SCN8A: variants seen among roughly 807,000 people sequenced by gnomAD.
The protein encoded by SCN8A is sodium voltage-gated channel alpha subunit 8.
In SCN8A, 30 loss-of-function variants were observed where a neutral mutation model predicts 184.1. The observed-to-expected ratio is 0.16, with a 90% CI of 0.12 to 0.22. The LOEUF is 0.22. Among genes scored for constraint, SCN8A ranks in the 10% least tolerant of loss-of-function variants. The pLI, the probability that SCN8A is intolerant of heterozygous loss-of-function variation, is 1.00. For missense variants in SCN8A, 1,057 were observed against 2,498.9 expected (o/e 0.42, Z 12.30); for synonymous variants, 852 against 907.0 (o/e 0.94, Z 1.09).
In SCN8A at chr12:51,608,021, C is replaced by CTTTTTTTT. The variant is rs749172465; in HGVS notation, c.-55+16672_-55+16679dup. On this transcript the variant is annotated intron_variant, in intron 1 of 26. Transcript: ENST00000627620. ...GGATTGGTACCAATTTTTCTTTTTC[C>CTTTTTTTT]TTTTTTTTTTTTTTTTTGAGATGGA... Among the ~76,000 whole-genome samples the CTTTTTTTT allele has an allele frequency of 9.0e-5, 12 of 133,460 alleles. No individual in the cohort carries two copies. The South Asian group carries it at 9.6e-4, about 11-fold the overall frequency. 87.6% of individuals were successfully genotyped at this position (133,460 alleles called of 152,430 possible).
chr12:51,788,772 AC>A, intron 23 of SCN8A, 24 bp downstream of exon 23: 1 of 1,602,040 alleles, frequency 6.2e-7, no homozygotes, highest in Non-Finnish European at 8.5e-7. Context: ...TGGCGAAAAT[AC>A]CACCTTCTCA....
At chr12:51,698,119 G>T (rs932443773) in intron 6 of SCN8A, among the ~76,000 whole-genome samples, 1 of 152,210 alleles carries the variant, frequency 6.6e-6, no homozygotes, top group African/African-American at 2.4e-5. Flanking sequence ...CTCCCAAAGT[G>T]CTGGGATTAC....
At chr12:51,717,529 A>G (rs1039405845) in intron 11 of SCN8A, among the ~76,000 whole-genome samples, 5 of 152,226 alleles carry the variant, frequency 3.3e-5, no homozygotes, top group African/African-American at 1.2e-4. Flanking sequence ...AATCACACCG[A>G]GCAGAGCTGG....
intron 20 of SCN8A, among the ~76,000 whole-genome samples, chr12:51,774,897 C>G (rs1937639796): frequency 6.6e-6 from 1 of 152,102 alleles, no homozygotes; most frequent in Admixed American, 6.5e-5. Flanking sequence ...AATAAAATAC[C>G]CCCTTCTTCC....
chr12:51,628,152 G>A (rs1351219066), intron 1 of SCN8A, among the ~76,000 whole-genome samples: 7 of 152,222 alleles, frequency 4.6e-5, no homozygotes, highest in Non-Finnish European at 7.3e-5. Context: ...GGCATGCCAG[G>A]TGGAGGATTA....
At chr12:51,795,065 G>A (rs1220665710) in intron 26 of SCN8A, among the ~76,000 whole-genome samples, 2 of 152,178 alleles carry the variant, frequency 1.3e-5, no homozygotes, top group African/African-American at 4.8e-5. Context: ...CCATGGTAGT[G>A]CTGCTGTTAC....
intron 6 of SCN8A, 59 bp from the exon 7 acceptor site, chr12:51,699,511 C>A: frequency 1.5e-6 from 2 of 1,363,982 alleles, no homozygotes; most frequent in Non-Finnish European, 2.0e-6. Context: ...AAGAGGGAGG[C>A]TTGGGGAGGT....
intron 15 of SCN8A, among the ~76,000 whole-genome samples, chr12:51,765,118 C>T (rs1347335554): frequency 1.3e-5 from 2 of 152,004 alleles, no homozygotes; most frequent in African/African-American, 4.8e-5. Flanking sequence ...TGTGGAACTG[C>T]CCCTGTTTGA....
intron 1 of SCN8A, among the ~76,000 whole-genome samples, chr12:51,639,934 T>A (rs1940410399): frequency 8.1e-6 from 1 of 122,810 alleles, no homozygotes. Flanking sequence ...GGGTCTCAGC[T>A]TGTTGCCCAG....
intron 14 of SCN8A, among the ~76,000 whole-genome samples, chr12:51,757,378 T>C (rs990759811): frequency 1.3e-5 from 2 of 152,184 alleles, no homozygotes; most frequent in African/African-American, 2.4e-5. Context: ...TTGATTAACT[T>C]TGGGCGAGGA....
intron 23 of SCN8A, 105 bp from the exon 24 acceptor site, chr12:51,789,176 A>G: frequency 1.6e-6 from 2 of 1,242,328 alleles, no homozygotes; most frequent in Non-Finnish European, 2.3e-6. Flanking sequence ...CTCCCACCCC[A>G]AGATGTTTAG....
intron 7 of SCN8A, among the ~76,000 whole-genome samples, chr12:51,700,884 G>T (rs1419543458): frequency 2.0e-5 from 3 of 152,184 alleles, no homozygotes; most frequent in African/African-American, 7.2e-5. Context: ...CTGGCATATA[G>T]ATTTGAAGTA....
intron 2 of SCN8A, among the ~76,000 whole-genome samples, chr12:51,673,293 A>G (rs776201229): frequency 2.5e-4 from 38 of 152,200 alleles, no homozygotes; most frequent in Non-Finnish European, 3.8e-4. Context: ...ACTGATGTGC[A>G]TAGGTTATGT....
At chr12:51,668,662 A>G (rs958686034) in intron 2 of SCN8A, among the ~76,000 whole-genome samples, 4 of 152,096 alleles carry the variant, frequency 2.6e-5, no homozygotes, top group African/African-American at 9.7e-5. Context: ...CCTGTATTGT[A>G]TCTTCTCAAG....
Position 51,788,499 on chromosome 12 carries a change from CTT to C in SCN8A, c.4228-194_4228-193del, listed in dbSNP as rs770095247. On this transcript the variant is annotated intron_variant, in intron 22 of 26. Coordinates refer to ENST00000627620, the MANE Select transcript of SCN8A (RefSeq NM_001330260.2). The stretch of plus-strand genomic sequence containing the variant: ...ATTTTCAACATGTTTATTTGCCAAA[CTT>C]TGTTGTTATTTTCAGGAACAAAGCC... The C allele has an allele frequency of 2.1e-5, 8 of 384,666 alleles. No homozygotes were observed. The East Asian group carries it at 3.1e-4, about 15-fold the overall frequency. 23.8% of individuals were successfully genotyped at this position (384,666 alleles called of 1,614,324 possible).
In SCN8A at chr12:51,769,906, T is replaced by C; in HGVS notation, c.3411T>C (p.Ile1137=). 6.2e-7 allele frequency: 1 copy of C among 1,607,882 alleles called. No individual in the cohort carries two copies. The highest frequency in any genetic ancestry group is 2.2e-5 in the East Asian group (1 of 44,754). ...DDTSSSEGST[I]DIKPEVEEVP... is the part of the protein sequence containing the mutation. ...CCAGCTCCTCTGAAGGAAGCACCAT[T>C]GATATCAAACCAGAAGTAGAAGAGG... The change falls in exon 18 of 27, where the codon ATT becomes ATC. Residue 1137 remains isoleucine, a synonymous_variant. Transcript: ENST00000627620.
At chr12:51,677,673 T>C (rs1438406649) in intron 2 of SCN8A, among the ~76,000 whole-genome samples, 1 of 152,162 alleles carries the variant, frequency 6.6e-6, no homozygotes, top group East Asian at 1.9e-4. Context: ...AAGCCCCACA[T>C]TGCTAATTAG....
intron 14 of SCN8A, among the ~76,000 whole-genome samples, chr12:51,756,149 A>G (rs538153805): frequency 6.6e-6 from 1 of 152,092 alleles, no homozygotes; most frequent in East Asian, 1.9e-4. Flanking sequence ...AGCTCTGTTT[A>G]TCCTGCACAG....
At chr12:51,653,704 A>G (rs878989336) in intron 1 of SCN8A, among the ~76,000 whole-genome samples, 2 of 152,154 alleles carry the variant, frequency 1.3e-5, no homozygotes, top group African/African-American at 4.8e-5. Context: ...GCTGGATCTT[A>G]TGGTAATCCT....
Sources: gnomAD v4.1 joint callset for allele counts (sites outside exome capture counted in the v4.1 genomes callset) on GRCh38, gnomAD v4.1.1 for gene constraint, MANE v1.5 for transcripts, NCBI Gene and HGNC (gene_info 2026-07-23, HGNC 2026-07-21) for gene names.